Variants in SAMD4B observed in about 807,000 individuals in gnomAD.
SAMD4B encodes the protein sterile alpha motif domain containing 4B, also known as protein Smaug homolog 2.
SAMD4B carries 5 observed loss-of-function variants against 74.5 expected under a neutral mutation model. That is an observed-to-expected ratio of 0.07 (90% CI 0.04 to 0.14). The LOEUF is 0.14. Among genes scored for constraint, SAMD4B ranks in the 10% least tolerant of loss-of-function variants. SAMD4B has a pLI of 1.00. For synonymous variants in SAMD4B, 373 were observed against 374.9 expected (o/e 1.00, Z 0.06); for missense variants, 608 against 921.8 (o/e 0.66, Z 4.41).
chr19:39,371,544 T>C (rs2077295691), intron 4 of SAMD4B, among the ~76,000 whole-genome samples: 1 of 152,142 alleles, frequency 6.6e-6, no homozygotes, highest in Admixed American at 6.5e-5. Flanking sequence ...AGTCCGGGCA[T>C]GGTGGCTCAC....
At chr19:39,351,377 T>C (rs1309049742) in intron 1 of SAMD4B, 2 of 152,178 alleles carry the variant, frequency 1.3e-5, no homozygotes, top group Non-Finnish European at 2.9e-5. Context: ...ATGGTGGCAA[T>C]ATTGCTGGGC....
intron 1 of SAMD4B, among the ~76,000 whole-genome samples, chr19:39,343,948 T>TCTTGGTGA (rs2075509405): frequency 6.8e-6 from 1 of 147,398 alleles, no homozygotes; most frequent in Non-Finnish European, 1.5e-5. Flanking sequence ...CGTAAGATTC[T>TCTTGGTGA]CTTGGTGACC....
intron 2 of SAMD4B, among the ~76,000 whole-genome samples, chr19:39,355,972 T>A (rs1369576813): frequency 6.6e-6 from 1 of 152,180 alleles, no homozygotes; most frequent in African/African-American, 2.4e-5. Flanking sequence ...TAAAATCTGA[T>A]AAATCAGAGT....
chr19:39,366,161 T>A (rs185089211), intron 3 of SAMD4B, among the ~76,000 whole-genome samples: 1 of 152,168 alleles, frequency 6.6e-6, no homozygotes, highest in East Asian at 1.9e-4. Flanking sequence ...ACTAAAAATA[T>A]AAAAATTAGC....
At chr19:39,367,602 G>A (rs2077041908) in intron 3 of SAMD4B, among the ~76,000 whole-genome samples, 4 of 139,072 alleles carry the variant, frequency 2.9e-5, no homozygotes, top group Admixed American at 1.6e-4. Context: ...TCCACCTCCC[G>A]AGTTCAAGTG....
chr19:39,377,391 C>A, intron 7 of SAMD4B, 94 bp from the exon 8 acceptor site: 1 of 1,121,568 alleles, frequency 8.9e-7, no homozygotes, highest in Non-Finnish European at 1.3e-6. Flanking sequence ...TCCTACCCAG[C>A]CTTCTGCAAG....
At chr19:39,388,425 C>T (rs1163103414), downstream of SAMD4B, 1 of 1,614,150 alleles carries the variant, frequency 6.2e-7, no homozygotes, top group East Asian at 2.2e-5. Flanking sequence ...TAGCTTTGTT[C>T]TTCACGTTCC....
chr19:39,381,087 C>T lies in SAMD4B; in HGVS notation c.1946C>T (p.Pro649Leu), dbSNP rs561706787. The change falls in exon 12 of 14, where the codon CCC (proline) becomes CTC (leucine). Residue 649 changes from proline (P) to leucine (L), a missense_variant. Physicochemically the swap from Pro to Leu is moderately conservative, Grantham distance 98. Around this residue, in one of 9 missense-constraint regions of SAMD4B, gnomAD observed 167 missense variants for 193.0 expected, o/e 0.87. Transcript: ENST00000610417. ...RTHSLPVHSS[P>L]QAILMFPPDC... ...CACTCGCTCCCGGTCCACTCGTCAC[C>T]CCAGGCCATTCTCATGTTCCCTCCA... 2.5e-6 allele frequency: 4 copies of T among 1,612,324 alleles called. No individual in the cohort carries two copies. The highest frequency in any genetic ancestry group is 2.2e-5 in the South Asian group (2 of 90,898).
At chr19:39,386,860 T>G, downstream of SAMD4B, 1 of 1,109,472 alleles carries the variant, frequency 9.0e-7, no homozygotes, top group Middle Eastern at 2.4e-4. This position sits in a 1 kb window ranked among gnomAD's most constrained non-coding sequence, Gnocchi z 6.1. Flanking sequence ...CACCTCCCAC[T>G]TCCCCGCCCC....
At chr19:39,379,874 A>G in intron 9 of SAMD4B, 92 bp from the exon 10 acceptor site, 3 of 1,125,420 alleles carry the variant, frequency 2.7e-6, no homozygotes, top group Non-Finnish European at 3.9e-6. Context: ...CCGGCCAGGC[A>G]ATAAATATTT....
chr19:39,354,704 C>G (rs143486675), intron 2 of SAMD4B, among the ~76,000 whole-genome samples: 216 of 152,184 alleles, frequency 1.4e-3, no homozygotes, highest in African/African-American at 4.9e-3. Flanking sequence ...CAGGGAAGCT[C>G]TCTCTGAAGA....
intron 4 of SAMD4B, among the ~76,000 whole-genome samples, chr19:39,373,715 A>G (rs923875181): frequency 6.6e-6 from 1 of 152,154 alleles, no homozygotes; most frequent in Non-Finnish European, 1.5e-5. Flanking sequence ...TAATCTCAGC[A>G]CTTTGGGAGG....
At chr19:39,380,493 C>G in intron 10 of SAMD4B, 94 bp from the exon 11 acceptor site, 1 of 1,315,584 alleles carries the variant, frequency 7.6e-7, no homozygotes, top group Middle Eastern at 1.9e-4. Context: ...TATGTTCTCT[C>G]CTACAACTTG....
Position 39,383,117 on chromosome 19 carries a change from C to A in SAMD4B, c.1973-91C>A. 9.7e-7 allele frequency: 1 copy of A among 1,025,650 alleles called. No individual in the cohort carries two copies. The highest frequency in any genetic ancestry group is 1.6e-6 in the Non-Finnish European group (1 of 643,100). 63.5% of individuals were successfully genotyped at this position (1,025,650 alleles called of 1,614,324 possible). A position where few individuals can be genotyped will look rare whatever the true frequency, so the allele number is the denominator to read the frequency against. On this transcript the variant is annotated intron_variant, in intron 12 of 13. Coordinates refer to ENST00000610417, the MANE Select transcript of SAMD4B (RefSeq NM_001384574.2). The surrounding 1 kb of genome is among the most constrained non-coding windows in gnomAD (Gnocchi z 4.1). ...CTCTCCCCCTCCATCTCTCTTGCTC[C>A]CTTCCCATACCAGCATCCTTTGTCA...
chr19:39,364,507 G>C (rs2076838697), intron 3 of SAMD4B, among the ~76,000 whole-genome samples: 2 of 152,204 alleles, frequency 1.3e-5, no homozygotes, highest in African/African-American at 4.8e-5. Flanking sequence ...GAAGCATACT[G>C]CCCAGGCCAC....
rs548743489 is a variant in SAMD4B at position 39,343,491 on chromosome 19, A to G, written c.-267+915A>G. Among the ~76,000 whole-genome samples, 31 of 131,154 alleles carry G rather than the reference A, an allele frequency of 2.4e-4. No homozygotes were observed. The East Asian group carries it at 7.3e-3, about 31-fold the overall frequency. 86.0% of individuals were successfully genotyped at this position (131,154 alleles called of 152,430 possible). Reference sequence around the variant, plus strand: ...TCCCCCTCCCCACCGTATTGCAACCATCTCTCATACACACTCCCCCTTCAC... The same window carrying G: ...TCCCCCTCCCCACCGTATTGCAACCGTCTCTCATACACACTCCCCCTTCAC... On this transcript the variant is annotated intron_variant, in intron 1 of 13. Coordinates refer to ENST00000610417, the MANE Select transcript of SAMD4B (RefSeq NM_001384574.2).
At chr19:39,370,199 C>T (rs1333929857) in intron 4 of SAMD4B, 74 bp downstream of exon 4, 33 of 1,379,910 alleles carry the variant, frequency 2.4e-5, no homozygotes, top group Admixed American at 7.9e-5. Context: ...AGAGCTCTCT[C>T]GCTCTGTGGC....
At chr19:39,345,985 G>A (rs2075677033) in intron 1 of SAMD4B, among the ~76,000 whole-genome samples, 1 of 151,990 alleles carries the variant, frequency 6.6e-6, no homozygotes, top group Admixed American at 6.6e-5. Flanking sequence ...CCTTTGCCTG[G>A]TGACCTGCCT....
intron 7 of SAMD4B, among the ~76,000 whole-genome samples, chr19:39,377,113 C>T (rs2077647680): frequency 6.6e-6 from 1 of 152,210 alleles, no homozygotes; most frequent in Non-Finnish European, 1.5e-5. Context: ...TACAATCTCT[C>T]TTTCCATTTG....
Sources: allele counts gnomAD v4.1 joint callset (sites outside exome capture counted in the v4.1 genomes callset), GRCh38; gene constraint gnomAD v4.1.1; regional missense constraint gnomAD v4.1.1; non-coding constraint Gnocchi (gnomAD v3.1); transcripts MANE v1.5; gene names NCBI Gene and HGNC (gene_info 2026-07-23, HGNC 2026-07-21).